MAGI1: variants seen among roughly 807,000 people sequenced by gnomAD.
The protein encoded by MAGI1 is membrane associated guanylate kinase, WW and PDZ domain containing 1.
MAGI1 carries 58 observed loss-of-function variants against 139.9 expected under a neutral mutation model. The observed-to-expected ratio is 0.41, with a 90% confidence interval of 0.34 to 0.52. MAGI1 has a LOEUF of 0.52. MAGI1 is among the 20% of genes least tolerant of loss of function. The pLI, the probability that MAGI1 is intolerant of heterozygous loss-of-function variation, is 0.12. For synonymous variants in MAGI1, 812 were observed against 737.9 expected, an observed-to-expected ratio of 1.10 and a Z score of -1.63; for missense variants, 1,874 against 1,901.6, an observed-to-expected ratio of 0.99 and a Z score of 0.27.
At chr3:65,623,040 T>C (rs2083768794) in intron 1 of MAGI1, among the ~76,000 whole-genome samples, 2 of 152,200 alleles carry the variant, frequency 1.3e-5, no homozygotes, top group Admixed American at 6.5e-5. Context: ...TCTGATTCCT[T>C]TTCTGTAAAA....
intron 1 of MAGI1, among the ~76,000 whole-genome samples, chr3:65,886,849 C>G (rs1342183141): frequency 1.3e-5 from 2 of 152,196 alleles, no homozygotes; most frequent in African/African-American, 4.8e-5. Flanking sequence ...GGCTGATACA[C>G]AGAAAGCTTG....
At chr3:65,553,441 C>T (rs987014699) in intron 2 of MAGI1, among the ~76,000 whole-genome samples, 6 of 152,056 alleles carry the variant, frequency 3.9e-5, no homozygotes, top group East Asian at 1.9e-4. Context: ...TATAACATCC[C>T]GTCTCCTTTA....
chr3:65,367,470 C>T (rs1231729438), intron 18 of MAGI1, among the ~76,000 whole-genome samples: 2 of 152,040 alleles, frequency 1.3e-5, no homozygotes, highest in Non-Finnish European at 2.9e-5. Context: ...TAACATTTAG[C>T]ATGGAAATGT....
chr3:65,563,541 G>C (rs1410195648), intron 2 of MAGI1, among the ~76,000 whole-genome samples: 1 of 152,178 alleles, frequency 6.6e-6, no homozygotes, highest in Non-Finnish European at 1.5e-5. Flanking sequence ...CATGCCATGA[G>C]ATCCCTCAAA....
At chr3:65,767,406 A>G (rs904412559) in intron 1 of MAGI1, among the ~76,000 whole-genome samples, 3 of 152,064 alleles carry the variant, frequency 2.0e-5, no homozygotes, top group Non-Finnish European at 2.9e-5. Flanking sequence ...GGAGTTCGAG[A>G]CCAGCCTGGC....
In MAGI1 at chr3:65,354,285, C is replaced by T. The variant is rs1366447265; in HGVS notation, c.*2093G>A. 6.6e-6 allele frequency: 1 copy of T among 152,626 alleles called. No homozygotes were observed. The highest frequency in any genetic ancestry group is 2.4e-5 in the African/African-American group (1 of 41,440). The allele number at this position is 152,626 out of a possible 1,614,324, so 9.5% of individuals were successfully genotyped here. ...ACTTTAATAATAAAAATAGCATTCA[C>T]AGACTTTTCCCTCCTTTTTAGCTAC... On this transcript the variant is annotated 3_prime_UTR_variant, in exon 23 of 23. Coordinates refer to ENST00000402939, the MANE Select transcript of MAGI1 (RefSeq NM_001033057.2).
At chr3:65,791,799 T>G (rs1454284435) in intron 1 of MAGI1, among the ~76,000 whole-genome samples, 2 of 152,166 alleles carry the variant, frequency 1.3e-5, no homozygotes, top group East Asian at 3.9e-4. Flanking sequence ...AGAAAAACAT[T>G]CAAATATATA....
chr3:65,897,061 T>A (rs2060998800), intron 1 of MAGI1, among the ~76,000 whole-genome samples: 1 of 152,168 alleles, frequency 6.6e-6, no homozygotes, highest in Non-Finnish European at 1.5e-5. Flanking sequence ...GTTTAAATCA[T>A]CTCTAGATTA....
chr3:65,435,682 A>G (rs553562432), intron 10 of MAGI1, among the ~76,000 whole-genome samples: 2 of 152,340 alleles, frequency 1.3e-5, no homozygotes, highest in South Asian at 4.1e-4. Context: ...TAGCACACAA[A>G]TGAACACTAG....
chr3:65,702,946 T>G (rs2089716334), intron 1 of MAGI1, among the ~76,000 whole-genome samples: 1 of 151,980 alleles, frequency 6.6e-6, no homozygotes, highest in African/African-American at 2.4e-5. Flanking sequence ...ATCTCTGAGA[T>G]GCAGGACTAC....
chr3:65,850,587 G>A (rs529818785), intron 1 of MAGI1, among the ~76,000 whole-genome samples: 1 of 152,266 alleles, frequency 6.6e-6, no homozygotes, highest in South Asian at 2.1e-4. Flanking sequence ...AACTCTGGAT[G>A]AACTTTTAGA....
intron 1 of MAGI1, among the ~76,000 whole-genome samples, chr3:65,634,822 T>G (rs2084512880): frequency 6.6e-6 from 1 of 152,196 alleles, no homozygotes; most frequent in African/African-American, 2.4e-5. Flanking sequence ...CGAATGCTGA[T>G]AAGTGACAAC....
At chr3:65,881,728 T>G (rs1298419381) in intron 1 of MAGI1, among the ~76,000 whole-genome samples, 1 of 152,186 alleles carries the variant, frequency 6.6e-6, no homozygotes, top group African/African-American at 2.4e-5. Flanking sequence ...AACGTCTAGG[T>G]GTACAGGAAT....
At chr3:65,695,736 C>A (rs1384349220) in intron 1 of MAGI1, among the ~76,000 whole-genome samples, 2 of 152,120 alleles carry the variant, frequency 1.3e-5, no homozygotes, top group African/African-American at 4.8e-5. Context: ...AATAAAAAGA[C>A]TTCATTTGCT....
In MAGI1 at chr3:65,600,953, C is replaced by A. The variant is rs116274687; in HGVS notation, c.430+21019G>T. On this transcript the variant is annotated intron_variant, in intron 2 of 22. Coordinates refer to ENST00000402939, the MANE Select transcript of MAGI1 (RefSeq NM_001033057.2). ...GAACCACTGGGCAAACTTGACCTTACAATGACTCTACTTTTTCACCTGTAA... is the reference window on the plus strand; with the variant it reads ...GAACCACTGGGCAAACTTGACCTTAAAATGACTCTACTTTTTCACCTGTAA... 7.2e-3 allele frequency among the ~76,000 whole-genome samples: 1,094 copies of A among 152,264 alleles called. 17 individuals are homozygous for A. Among genetic ancestry groups the A allele is most frequent in the African/African-American group, 0.025 (1,055 of 41,554 alleles).
At chr3:65,570,709 G>A (rs2080916641) in intron 2 of MAGI1, among the ~76,000 whole-genome samples, 1 of 152,194 alleles carries the variant, frequency 6.6e-6, no homozygotes. Context: ...GAAGCTACAT[G>A]ATGGGCATCT....
intron 22 of MAGI1, chr3:65,359,857 C>A: frequency 1.0e-6 from 1 of 985,472 alleles, no homozygotes; most frequent in Non-Finnish European, 1.2e-6. Flanking sequence ...CTGACGATGA[C>A]TCTCAAATGA....
chr3:65,530,273 A>G (rs2078582065), intron 2 of MAGI1, among the ~76,000 whole-genome samples: 1 of 151,972 alleles, frequency 6.6e-6, no homozygotes, highest in South Asian at 2.1e-4. Flanking sequence ...GCGAGTGCTA[A>G]TTCATCCATG....
At chr3:66,018,697 C>A (rs1357638996) in intron 1 of MAGI1, among the ~76,000 whole-genome samples, 1 of 152,216 alleles carries the variant, frequency 6.6e-6, no homozygotes, top group African/African-American at 2.4e-5. Flanking sequence ...TTGCAGCCTT[C>A]TGCATTCTGA....
Sources: gnomAD v4.1 joint callset for allele counts (sites outside exome capture counted in the v4.1 genomes callset) on GRCh38, gnomAD v4.1.1 for gene constraint, MANE v1.5 for transcripts, NCBI Gene and HGNC (gene_info 2026-07-23, HGNC 2026-07-21) for gene names.